Variants in GORAB observed in about 807,000 individuals in gnomAD.
GORAB encodes the protein golgin, RAB6 interacting.
GORAB carries 17 observed loss-of-function variants against 29.9 expected under a neutral mutation model. That is an observed-to-expected ratio of 0.57 (90% CI 0.39 to 0.85). The LOEUF is 0.85. Ranked by LOEUF, GORAB falls within the 40% of genes least tolerant of loss-of-function variation. GORAB has a pLI of 0.00. For synonymous variants in GORAB, 183 were observed against 157.2 expected, an observed-to-expected ratio of 1.16 and a Z score of -1.23; for missense variants, 442 against 437.8, an observed-to-expected ratio of 1.01 and a Z score of -0.09.
intron 4 of GORAB, among the ~76,000 whole-genome samples, chr1:170,551,096 A>T (rs1650079749): frequency 6.6e-6 from 1 of 152,194 alleles, no homozygotes; most frequent in Non-Finnish European, 1.5e-5. Flanking sequence ...GGAGTAGTGG[A>T]GAGAATGAGA....
intron 1 of GORAB, among the ~76,000 whole-genome samples, chr1:170,537,641 T>G (rs1481397623): frequency 6.6e-6 from 1 of 152,186 alleles, no homozygotes; most frequent in African/African-American, 2.4e-5. Flanking sequence ...GTGACCTAAA[T>G]TTTTTAATGA....
In GORAB at chr1:170,553,208, AAAT is replaced by A. The variant is rs1482255563; in HGVS notation, c.*751_*753del. 1.4e-5 allele frequency: 6 copies of A among 433,774 alleles called. No individual in the cohort carries two copies. Among genetic ancestry groups the A allele is most frequent in the Non-Finnish European group, 2.7e-5 (6 of 219,776 alleles). The allele number at this position is 433,774 out of a possible 1,614,324, so 26.9% of individuals were successfully genotyped here. ...TAAAACATTTCTAAAGTGAGACTGA[AAAT>A]AATATAGAAAATCTCATTGCTACTT... On this transcript the variant is annotated 3_prime_UTR_variant, in exon 5 of 5. Coordinates refer to ENST00000367763, the MANE Select transcript of GORAB (RefSeq NM_152281.3).
rs187680628 is a variant in GORAB, at chr1:170,552,293, C to G, written c.941C>G (p.Ala314Gly). The change falls in exon 5 of 5, where the codon GCG (alanine) becomes GGG (glycine). Residue 314 changes from alanine to glycine, a missense_variant. Ala to Gly is a moderately conservative substitution (Grantham distance 60). Transcript: ENST00000367763. ...CGTTTAGAGAGGCCATTTCAGCCTG[C>G]GGAGGAGAGTGTGACATTAGAATTT... ...VVRLERPFQP[A>G]EESVTLEFAK... The G allele has an allele frequency of 6.2e-7, 1 of 1,614,014 alleles. No homozygotes were observed. Among genetic ancestry groups the G allele is most frequent in the Non-Finnish European group, 8.5e-7 (1 of 1,179,972 alleles).
chr1:170,541,535 G>A (rs113592031), intron 2 of GORAB, among the ~76,000 whole-genome samples: 10 of 152,214 alleles, frequency 6.6e-5, no homozygotes, highest in African/African-American at 2.4e-4. Flanking sequence ...GGTGGAAGGT[G>A]TAGAAATGGA....
Position 170,553,786 on chromosome 1 carries a change from T to A in GORAB, c.*1324T>A. 4.4e-6 allele frequency: 2 copies of A among 453,676 alleles called. No individual in the cohort carries two copies. The highest frequency in any genetic ancestry group is 3.1e-5 in the South Asian group (2 of 64,228). 28.1% of individuals were successfully genotyped at this position (453,676 alleles called of 1,614,324 possible). On this transcript the variant is annotated 3_prime_UTR_variant, in exon 5 of 5. Transcript: ENST00000367763. Reference sequence around the variant, plus strand: ...ATGAAATACATAAAAGCCAACAGTTTCATTGTCTAACACACTTCTTTTTCT... The same window carrying A: ...ATGAAATACATAAAAGCCAACAGTTACATTGTCTAACACACTTCTTTTTCT...
chr1:170,537,955 G>A lies in GORAB; in HGVS notation c.62-1255G>A, dbSNP rs906969888. Among the ~76,000 whole-genome samples the A allele has an allele frequency of 3.3e-5, 5 of 152,142 alleles. No individual in the cohort carries two copies. In the East Asian group the frequency reaches 9.6e-4, roughly 29 times the overall value. ...ATAAGCAGGCTAAGTGACATTTTTT[G>A]ATGGTGTGAATAAAGATCAGAGCCA... On this transcript the variant is annotated intron_variant, in intron 1 of 4. Transcript: ENST00000367763.
chr1:170,544,883 T>A, intron 4 of GORAB, 38 bp downstream of exon 4: 1 of 1,590,012 alleles, frequency 6.3e-7, no homozygotes, highest in Non-Finnish European at 8.6e-7. Flanking sequence ...AGGAGTATGA[T>A]TTAATTAATG....
intron 1 of GORAB, among the ~76,000 whole-genome samples, chr1:170,534,476 A>G (rs1253244835): frequency 6.6e-6 from 1 of 152,182 alleles, no homozygotes; most frequent in East Asian, 1.9e-4. Flanking sequence ...CCTGGAACCA[A>G]TTATCCTCAT....
rs991041700 is a variant in GORAB at position 170,552,214 on chromosome 1, G to A, written c.862G>A (p.Glu288Lys). 1 of 1,614,128 alleles carries A rather than the reference G, an allele frequency of 6.2e-7. No individual in the cohort carries two copies. Among genetic ancestry groups the A allele is most frequent in the South Asian group, 1.1e-5 (1 of 91,088 alleles). The stretch of plus-strand genomic sequence containing the variant: ...TGAAGAGACTTTGGAGCTTGAGGTG[G>A]AGGTCGAGAGATTGCTACACGAACA... Reference protein sequence around the residue: ...ADEETLELEVEVERLLHEQEV... With the variant: ...ADEETLELEVKVERLLHEQEV... Residue 288 changes from glutamate (E) to lysine (K), a missense_variant, in exon 5 of 5, where the codon GAG (glutamate) becomes AAG (lysine). Transcript: ENST00000367763.
chr1:170,544,786 T>A lies in GORAB; in HGVS notation c.603T>A (p.Ala201=). Residue 201 remains alanine, a synonymous_variant, in exon 4 of 5, where the codon GCT becomes GCA. Transcript: ENST00000367763. ...ELQALDDMVS[A]DIGILRNRID... The stretch of plus-strand genomic sequence containing the variant: ...AGGCTTTAGATGACATGGTGTCAGC[T>A]GACATTGGAATTCTCAGGAACCGGA... 1 of 1,614,134 alleles carries A rather than the reference T, an allele frequency of 6.2e-7. No homozygotes were observed. The highest frequency in any genetic ancestry group is 8.5e-7 in the Non-Finnish European group (1 of 1,179,956).
At chr1:170,541,556 C>T (rs550281324) in intron 2 of GORAB, among the ~76,000 whole-genome samples, 1 of 151,858 alleles carries the variant, frequency 6.6e-6, no homozygotes, top group Non-Finnish European at 1.5e-5. Flanking sequence ...GAGAGAAGGA[C>T]AATTTTGGAA....
intron 4 of GORAB, among the ~76,000 whole-genome samples, chr1:170,551,244 T>C (rs1650085415): frequency 1.3e-5 from 2 of 152,208 alleles, no homozygotes; most frequent in South Asian, 4.1e-4. Flanking sequence ...TGATGCTGTT[T>C]AGCATCTTGC....
At chr1:170,546,740 A>T (rs1421677523) in intron 4 of GORAB, among the ~76,000 whole-genome samples, 1 of 152,048 alleles carries the variant, frequency 6.6e-6, no homozygotes, top group Non-Finnish European at 1.5e-5. Context: ...GCTGGAGTGC[A>T]GTGGTGCGAT....
intron 4 of GORAB, among the ~76,000 whole-genome samples, chr1:170,550,138 G>A (rs1650021561): frequency 6.6e-6 from 1 of 152,220 alleles, no homozygotes; most frequent in Non-Finnish European, 1.5e-5. Context: ...ACCTGGCTGT[G>A]TTTTGGACTC....
At chr1:170,546,796 T>TG (rs1649791205) in intron 4 of GORAB, among the ~76,000 whole-genome samples, 1 of 152,154 alleles carries the variant, frequency 6.6e-6, no homozygotes, top group South Asian at 2.1e-4. Context: ...GCGATCCTCC[T>TG]GCCTCAGCCT....
Position 170,552,405 on chromosome 1 carries a change from T to A in GORAB, c.1053T>A (p.Leu351=), listed in dbSNP as rs568133275. 13 of 1,614,076 alleles carry A rather than the reference T, an allele frequency of 8.1e-6. No individual in the cohort carries two copies. In the South Asian group the frequency reaches 1.4e-4, roughly 18 times the overall value. ...GAAATTCCAGTAGCATCCCCTTTCT[T>A]AGTCCAAACTGCCCAAATCAAGAAG... The part of the protein sequence containing the change: ...QCGNSSSIPF[L]SPNCPNQEGN... Residue 351 remains leucine (L), a synonymous_variant, in exon 5 of 5, where the codon CTT becomes CTA. Transcript: ENST00000367763.
chr1:170,538,185 A>C (rs955510902), intron 1 of GORAB, among the ~76,000 whole-genome samples: 16 of 152,230 alleles, frequency 1.1e-4, no homozygotes, highest in African/African-American at 3.9e-4. Flanking sequence ...GTATTGAATA[A>C]ATAATTGACT....
chr1:170,540,029 A>G (rs1289514925), intron 2 of GORAB, among the ~76,000 whole-genome samples: 1 of 149,512 alleles, frequency 6.7e-6, no homozygotes, highest in African/African-American at 2.5e-5. Context: ...GCAATGGCGC[A>G]ATCACAGCTC....
intron 4 of GORAB, among the ~76,000 whole-genome samples, chr1:170,547,657 A>G (rs1380930374): frequency 6.6e-6 from 1 of 152,242 alleles, no homozygotes; most frequent in African/African-American, 2.4e-5. Flanking sequence ...TTTTAAAAGT[A>G]AGATTAAAAG....
Sources: gnomAD v4.1 joint callset for allele counts (sites outside exome capture counted in the v4.1 genomes callset) on GRCh38, gnomAD v4.1.1 for gene constraint, MANE v1.5 for transcripts, NCBI Gene and HGNC (gene_info 2026-07-23, HGNC 2026-07-21) for gene names.